Variants in EVA1C observed in about 807,000 individuals in gnomAD.
EVA1C encodes the protein eva-1 homolog C, also known as protein eva-1 homolog C.
A neutral mutation model predicts 45.4 loss-of-function variants in EVA1C; 25 were observed. That is an observed-to-expected ratio of 0.55 (90% CI 0.40 to 0.77). The LOEUF is 0.77. EVA1C is among the 30% of genes least tolerant of loss of function. The pLI is 0.00. For synonymous variants in EVA1C, 190 were observed against 221.2 expected (o/e 0.86, Z 1.25); for missense variants, 479 against 554.8 (o/e 0.86, Z 1.37).
intron 4 of EVA1C, among the ~76,000 whole-genome samples, chr21:32,484,543 C>CA (rs1328368423): frequency 0.12 from 15,296 of 128,692 alleles, 1,062 homozygotes; most frequent in East Asian, 0.26. Context: ...GACTCCATCT[C>CA]AAAAAAAAAA....
rs34286023 is a variant in EVA1C at position 32,491,681 on chromosome 21, CAAAAAAAAAAAA to C, written c.635-3332_635-3321del. ...ACTGGGTGACAGAGCGAGACTCTGT[CAAAAAAAAAAAA>C]AAAAAAAAAAAAAGCACAGTGGAGG... On this transcript the variant is annotated intron_variant, in intron 4 of 7. Coordinates refer to ENST00000300255, the MANE Select transcript of EVA1C (RefSeq NM_058187.5). Among the ~76,000 whole-genome samples the C allele has an allele frequency of 1.8e-3, 105 of 57,688 alleles. No homozygotes were observed. The Middle Eastern group carries it at 0.037, about 20-fold the overall frequency. 37.8% of individuals were successfully genotyped at this position (57,688 alleles called of 152,430 possible).
rs1419690213 is a variant in EVA1C at position 32,451,340 on chromosome 21, G to C, written c.161-1972G>C. On this transcript the variant is annotated intron_variant, in intron 1 of 7. Transcript: ENST00000300255. ...TGAAAAGTCCCTGGCTCTCCTCCCA[G>C]CCGCCTCGCTGTGACCTCGTGAGGT... 3.9e-5 allele frequency among the ~76,000 whole-genome samples: 6 copies of C among 152,274 alleles called. No individual in the cohort carries two copies. In the East Asian group the frequency reaches 1.2e-3, roughly 29 times the overall value.
chr21:32,448,981 AAGAG>A lies in EVA1C; in HGVS notation c.161-4327_161-4324del, dbSNP rs548267774. 2.2e-3 allele frequency among the ~76,000 whole-genome samples: 334 copies of A among 149,908 alleles called. 1 individual carries two copies. The highest frequency in any genetic ancestry group is 3.0e-3 in the Non-Finnish European group (201 of 67,744). On this transcript the variant is annotated intron_variant, in intron 1 of 7. Transcript: ENST00000300255. ...AAAGAGAAAGAAAAAGAAAGAAAGA[AAGAG>A]AGAAAGAAAGAAAGGAGGGAGGGTG...
At chr21:32,507,617 T>C (rs1466046644) in intron 7 of EVA1C, among the ~76,000 whole-genome samples, 1 of 151,952 alleles carries the variant, frequency 6.6e-6, no homozygotes, top group African/African-American at 2.4e-5. Context: ...TACATGTGTG[T>C]ACATGCGTAT....
At chr21:32,487,656 G>A (rs975550243) in intron 4 of EVA1C, among the ~76,000 whole-genome samples, 4 of 151,600 alleles carry the variant, frequency 2.6e-5, no homozygotes, top group South Asian at 4.2e-4. Context: ...GGAGGCAGAG[G>A]TTGCAATGAG....
At chr21:32,469,674 C>T (rs1348261021) in intron 4 of EVA1C, among the ~76,000 whole-genome samples, 1 of 152,170 alleles carries the variant, frequency 6.6e-6, no homozygotes, top group African/African-American at 2.4e-5. Flanking sequence ...AGGCTGGAGA[C>T]CCAGGAAAGA....
intron 1 of EVA1C, among the ~76,000 whole-genome samples, chr21:32,437,595 G>A (rs1417479438): frequency 6.6e-6 from 1 of 152,126 alleles, no homozygotes; most frequent in Admixed American, 6.6e-5. Flanking sequence ...CCCTGCAATC[G>A]AGCTCTGCTG....
intron 7 of EVA1C, among the ~76,000 whole-genome samples, chr21:32,509,928 A>C (rs1365642923): frequency 6.6e-6 from 1 of 151,778 alleles, no homozygotes; most frequent in Non-Finnish European, 1.5e-5. Flanking sequence ...GAGGAAGCGG[A>C]AGTTCTCGGG....
chr21:32,498,704 C>T (rs535844590), intron 5 of EVA1C, among the ~76,000 whole-genome samples: 11 of 150,480 alleles, frequency 7.3e-5, no homozygotes, highest in Non-Finnish European at 1.0e-4. Flanking sequence ...CACTAGGGGC[C>T]GAGACGCTGA....
Position 32,514,939 on chromosome 21 carries a change from G to A in EVA1C, c.1075G>A (p.Glu359Lys), listed in dbSNP as rs560062023. ...KDFRDLQLGR[E>K]QLVPGSDKVE... ...CTTCCGCGACTTGCAGCTGGGGAGG[G>A]AGCAGCTGGTGCCAGGAAGTGACAA... Residue 359 changes from glutamate (E) to lysine (K), a missense_variant, in exon 8 of 8, where the codon GAG becomes AAG. Around this residue, in one of 3 missense-constraint regions of EVA1C, gnomAD observed 366 missense variants for 426.1 expected, o/e 0.86. Transcript: ENST00000300255. 3.7e-6 allele frequency: 6 copies of A among 1,614,046 alleles called. No homozygotes were observed. The highest frequency in any genetic ancestry group is 2.2e-5 in the East Asian group (1 of 44,894).
chr21:32,414,090 T>A (rs1322296693), intron 1 of EVA1C, among the ~76,000 whole-genome samples: 1 of 152,230 alleles, frequency 6.6e-6, no homozygotes, highest in African/African-American at 2.4e-5. Flanking sequence ...CTAGTTTACT[T>A]ACAGAGAATG....
rs1468233034 is a variant in EVA1C, at chr21:32,477,743, C to A, written c.634+9895C>A. Among the ~76,000 whole-genome samples, 11 of 67,212 alleles carry A rather than the reference C, an allele frequency of 1.6e-4. No homozygotes were observed. The South Asian group carries it at 3.5e-3, about 21-fold the overall frequency. 44.1% of individuals were successfully genotyped at this position (67,212 alleles called of 152,430 possible). The stretch of plus-strand genomic sequence containing the variant: ...CACCTCCCCCGTACGCCCTCCCCTC[C>A]CCTCCCCCGTACGCCCTCCCCTCCC... On this transcript the variant is annotated intron_variant, in intron 4 of 7. Transcript: ENST00000300255.
At chr21:32,420,355 GCGAGACC>G (rs1376523346) in intron 1 of EVA1C, among the ~76,000 whole-genome samples, 1 of 152,140 alleles carries the variant, frequency 6.6e-6, no homozygotes, top group Admixed American at 6.6e-5. Context: ...GGGCAATAGA[GCGAGACC>G]CTGTCTCAAG....
intron 7 of EVA1C, among the ~76,000 whole-genome samples, chr21:32,511,969 G>T (rs1419329753): frequency 1.3e-5 from 2 of 151,892 alleles, no homozygotes; most frequent in Non-Finnish European, 2.9e-5. Context: ...CCAAGACAGT[G>T]AAATATTTTA....
At chr21:32,445,778 GA>G (rs1391731851) in intron 1 of EVA1C, among the ~76,000 whole-genome samples, 5 of 152,170 alleles carry the variant, frequency 3.3e-5, no homozygotes, top group African/African-American at 1.2e-4. Context: ...GCTGTTCTAA[GA>G]TTTGCTCAAC....
At chr21:32,482,711 C>A (rs957544852) in intron 4 of EVA1C, among the ~76,000 whole-genome samples, 70 of 152,210 alleles carry the variant, frequency 4.6e-4, no homozygotes, top group Non-Finnish European at 1.0e-4. Flanking sequence ...ATGAACACAG[C>A]ACAGCAGAAG....
chr21:32,412,916 C>T lies in EVA1C; in HGVS notation c.63C>T (p.Leu21=), dbSNP rs2033880596. 1.3e-6 allele frequency: 2 copies of T among 1,523,864 alleles called. No individual in the cohort carries two copies. The highest frequency in any genetic ancestry group is 2.4e-5 in the South Asian group (2 of 81,672). The allele number at this position is 1,523,864 out of a possible 1,614,324, so 94.4% of individuals were successfully genotyped here. Residue 21 remains leucine, a synonymous_variant, in exon 1 of 8, where the codon CTC becomes CTT. Coordinates refer to ENST00000300255, the MANE Select transcript of EVA1C (RefSeq NM_058187.5). ...PTPQPVQHPG[L]RRQVEPPGQL... Reference sequence around the variant, plus strand: ...CCCAGCCCGTGCAGCATCCCGGCCTCCGCCGGCAGGTAGAGCCGCCGGGGC... The same window carrying T: ...CCCAGCCCGTGCAGCATCCCGGCCTTCGCCGGCAGGTAGAGCCGCCGGGGC...
At chr21:32,427,905 G>A (rs1024348189) in intron 1 of EVA1C, among the ~76,000 whole-genome samples, 7 of 148,904 alleles carry the variant, frequency 4.7e-5, no homozygotes, top group Admixed American at 2.7e-4. Flanking sequence ...TGTTTTTGAA[G>A]TTTCTCTTTT....
At chr21:32,505,985 A>G (rs1474421734) in intron 7 of EVA1C, among the ~76,000 whole-genome samples, 1 of 152,082 alleles carries the variant, frequency 6.6e-6, no homozygotes, top group Non-Finnish European at 1.5e-5. Flanking sequence ...CACCATGGAC[A>G]GCGGCAGGGC....
Sources: allele counts gnomAD v4.1 joint callset (sites outside exome capture counted in the v4.1 genomes callset), GRCh38; gene constraint gnomAD v4.1.1; regional missense constraint gnomAD v4.1.1; transcripts MANE v1.5; gene names NCBI Gene and HGNC (gene_info 2026-07-23, HGNC 2026-07-21).